The following MED13L variants were observed in gnomAD, a reference collection of about 807,000 sequenced individuals.
The protein encoded by MED13L is mediator of RNA polymerase II transcription subunit 13-like.
A neutral mutation model predicts 220.9 loss-of-function variants in MED13L; 7 were observed. The observed-to-expected ratio is 0.03, with a 90% CI of 0.02 to 0.06. The LOEUF is 0.06. Ranked by LOEUF, MED13L falls within the 10% of genes least tolerant of loss-of-function variation. The pLI is 1.00. For synonymous variants in MED13L, 1,011 were observed against 1,015.2 expected (o/e 1.00, Z 0.08); for missense variants, 1,965 against 2,760.5 (o/e 0.71, Z 6.46).
At chr12:116,246,688 G>A (rs1247030238) in intron 1 of MED13L, among the ~76,000 whole-genome samples, 2 of 138,276 alleles carry the variant, frequency 1.4e-5, no homozygotes, top group East Asian at 4.2e-4. Context: ...GCACACATAT[G>A]TAGTCCCAGC....
intron 28 of MED13L, among the ~76,000 whole-genome samples, chr12:115,968,455 A>G (rs1203605628): frequency 6.6e-6 from 1 of 152,236 alleles, no homozygotes; most frequent in Non-Finnish European, 1.5e-5. Flanking sequence ...GCTAGAAAGA[A>G]GAAGGCTGCA....
intron 21 of MED13L, 37 bp downstream of exon 21, chr12:115,983,080 A>G: frequency 6.2e-7 from 1 of 1,603,538 alleles, no homozygotes; most frequent in African/African-American, 1.3e-5. Context: ...AAAGGGTCTG[A>G]GCTGAAGCCA....
chr12:116,136,925 C>T (rs1383192765), intron 2 of MED13L, among the ~76,000 whole-genome samples: 1 of 152,036 alleles, frequency 6.6e-6, no homozygotes, highest in Non-Finnish European at 1.5e-5. Context: ...GTGAACCACA[C>T]CAATTATTTT....
intron 2 of MED13L, chr12:116,181,375 C>T (rs1880512630): frequency 6.6e-6 from 1 of 152,164 alleles, no homozygotes; most frequent in East Asian, 1.9e-4. Flanking sequence ...CAAGAACACA[C>T]AGGACATCGC....
intron 27 of MED13L, among the ~76,000 whole-genome samples, chr12:115,970,246 C>G (rs908147514): frequency 1.3e-5 from 2 of 152,172 alleles, no homozygotes; most frequent in South Asian, 4.1e-4. Context: ...AAGGTGCTCT[C>G]TTCATATTGC....
intron 9 of MED13L, among the ~76,000 whole-genome samples, chr12:116,009,731 T>A (rs1879278535): frequency 6.6e-6 from 1 of 152,194 alleles, no homozygotes; most frequent in Non-Finnish European, 1.5e-5. Context: ...CTTTGGATCT[T>A]ACAGACACAC....
intron 2 of MED13L, among the ~76,000 whole-genome samples, chr12:116,195,157 G>C (rs1435387620): frequency 4.6e-5 from 7 of 152,106 alleles, no homozygotes; most frequent in Non-Finnish European, 4.4e-5. Context: ...GAGAATACTA[G>C]GGCTTCAGCC....
chr12:116,108,485 C>A (rs1256640625), intron 3 of MED13L, among the ~76,000 whole-genome samples: 1 of 151,570 alleles, frequency 6.6e-6, no homozygotes, highest in Non-Finnish European at 1.5e-5. Flanking sequence ...GCCCTTCCAA[C>A]TTCTGTTGAC....
chr12:116,143,148 T>C (rs2138056571), intron 2 of MED13L, among the ~76,000 whole-genome samples: 1 of 152,234 alleles, frequency 6.6e-6, no homozygotes, highest in East Asian at 1.9e-4. Flanking sequence ...CTTTACTGTT[T>C]ACATACTGTA....
intron 1 of MED13L, among the ~76,000 whole-genome samples, chr12:116,240,612 A>G (rs1182596605): frequency 6.6e-6 from 1 of 151,170 alleles, no homozygotes; most frequent in Non-Finnish European, 1.5e-5. Context: ...GGCTCACAGC[A>G]AGTTCCGCCT....
At chr12:116,083,407 A>AG (rs1486279602) in intron 4 of MED13L, among the ~76,000 whole-genome samples, 2 of 121,142 alleles carry the variant, frequency 1.7e-5, no homozygotes, top group African/African-American at 9.0e-5. Context: ...CTCGAGGGAA[A>AG]AAAAAAAAAA....
At chr12:116,031,927 G>A (rs1432636358) in intron 4 of MED13L, among the ~76,000 whole-genome samples, 1 of 151,946 alleles carries the variant, frequency 6.6e-6, no homozygotes, top group Non-Finnish European at 1.5e-5. Context: ...AAGAGATCAA[G>A]CATGTAGATA....
intron 2 of MED13L, among the ~76,000 whole-genome samples, chr12:116,230,963 T>C (rs972458055): frequency 6.6e-6 from 1 of 152,212 alleles, no homozygotes; most frequent in African/African-American, 2.4e-5. Flanking sequence ...TTAGGTATGC[T>C]AAGCAATAGG....
At chr12:116,085,565 C>A (rs886467892) in intron 4 of MED13L, among the ~76,000 whole-genome samples, 1 of 152,060 alleles carries the variant, frequency 6.6e-6, no homozygotes, top group Non-Finnish European at 1.5e-5. Flanking sequence ...ATGTCCTATT[C>A]AGTTTAATCC....
At chr12:116,180,927 CTCTCT>C (rs1037089620) in intron 2 of MED13L, among the ~76,000 whole-genome samples, 18 of 130,946 alleles carry the variant, frequency 1.4e-4, no homozygotes, top group East Asian at 2.3e-4. Flanking sequence ...TTATTTCTCT[CTCTCT>C]TTTTTTTTTT....
chr12:116,268,400 T>G (rs1309926103), intron 1 of MED13L, among the ~76,000 whole-genome samples: 1 of 152,212 alleles, frequency 6.6e-6, no homozygotes, highest in Non-Finnish European at 1.5e-5. Flanking sequence ...TCAAACCAAT[T>G]ATACTCTTCT....
intron 3 of MED13L, among the ~76,000 whole-genome samples, chr12:116,108,094 C>T (rs974896288): frequency 1.3e-5 from 2 of 148,466 alleles, no homozygotes; most frequent in Non-Finnish European, 3.0e-5. Flanking sequence ...CATCTCAAAA[C>T]AAACAAACAA....
chr12:116,105,726 G>T (rs547030607), intron 3 of MED13L, among the ~76,000 whole-genome samples: 72 of 152,268 alleles, frequency 4.7e-4, no homozygotes, highest in African/African-American at 1.6e-3. Flanking sequence ...CAATTAATAG[G>T]TATGGCAGAC....
At chr12:116,098,597 G>A (rs1872810912) in intron 3 of MED13L, among the ~76,000 whole-genome samples, 1 of 151,386 alleles carries the variant, frequency 6.6e-6, no homozygotes, top group Admixed American at 6.6e-5. Flanking sequence ...AATAGTTTCT[G>A]ATGACCACAA....
Sources: allele counts gnomAD v4.1 joint callset (sites outside exome capture counted in the v4.1 genomes callset), GRCh38; gene constraint gnomAD v4.1.1; transcripts MANE v1.5; gene names NCBI Gene and HGNC (gene_info 2026-07-23, HGNC 2026-07-21).